Variants in PALLD observed in about 807,000 individuals in gnomAD.
The protein encoded by PALLD is palladin.
A neutral mutation model predicts 123.5 loss-of-function variants in PALLD; 61 were observed. That is an observed-to-expected ratio of 0.49 (90% CI 0.40 to 0.61). The LOEUF (loss-of-function observed/expected upper bound fraction) is 0.61, where lower values mean the gene tolerates loss of function less well. Among genes scored for constraint, PALLD ranks in the 20% least tolerant of loss-of-function variants. The pLI is 0.00. For missense variants in PALLD, 1,273 were observed against 1,377.0 expected, an observed-to-expected ratio of 0.92 and a Z score of 1.20; for synonymous variants, 465 against 496.4, an observed-to-expected ratio of 0.94 and a Z score of 0.84.
chr4:168,635,589 G>A (rs1231116918), intron 2 of PALLD, among the ~76,000 whole-genome samples: 1 of 152,204 alleles, frequency 6.6e-6, no homozygotes, highest in African/African-American at 2.4e-5. Context: ...CTATCAGATA[G>A]CCAGCTCCAA....
chr4:168,786,189 G>A (rs1444878911), intron 10 of PALLD, among the ~76,000 whole-genome samples: 3 of 151,568 alleles, frequency 2.0e-5, no homozygotes, highest in African/African-American at 4.8e-5. Context: ...TTAGCTGGGC[G>A]TGGTGGTGTG....
chr4:168,750,757 A>C (rs545494920), intron 10 of PALLD, among the ~76,000 whole-genome samples: 1 of 152,292 alleles, frequency 6.6e-6, no homozygotes, highest in East Asian at 1.9e-4. Context: ...TCCTGTCCCC[A>C]TCCCCTAGTT....
At chr4:168,686,011 C>G (rs974688233) in intron 6 of PALLD, among the ~76,000 whole-genome samples, 1 of 151,926 alleles carries the variant, frequency 6.6e-6, no homozygotes, top group Non-Finnish European at 1.5e-5. Flanking sequence ...TCTTCTCTTT[C>G]TTTTTCCTTT....
intron 10 of PALLD, among the ~76,000 whole-genome samples, chr4:168,743,476 G>A (rs1040485460): frequency 6.6e-6 from 1 of 152,080 alleles, no homozygotes; most frequent in Non-Finnish European, 1.5e-5. Flanking sequence ...GATGTTTCCT[G>A]TCCTATCACT....
intron 2 of PALLD, among the ~76,000 whole-genome samples, chr4:168,558,880 A>T (rs189501201): frequency 1.3e-5 from 2 of 152,344 alleles, no homozygotes; most frequent in Admixed American, 1.3e-4. Flanking sequence ...GTAAAACATG[A>T]CCTAGGTGTG....
intron 3 of PALLD, among the ~76,000 whole-genome samples, chr4:168,675,575 T>A (rs934371125): frequency 2.0e-5 from 3 of 152,214 alleles, no homozygotes; most frequent in African/African-American, 4.8e-5. Context: ...TAAAATAACC[T>A]TTCATGGTAT....
chr4:168,724,161 A>G (rs1004862203), intron 10 of PALLD, among the ~76,000 whole-genome samples: 2 of 152,172 alleles, frequency 1.3e-5, no homozygotes, highest in Admixed American at 6.5e-5. Context: ...AACAAGCCCA[A>G]TTCCTCATTT....
At chr4:168,911,966 G>A (rs1013045578) in intron 15 of PALLD, among the ~76,000 whole-genome samples, 1 of 151,988 alleles carries the variant, frequency 6.6e-6, no homozygotes, top group Non-Finnish European at 1.5e-5. Context: ...TCTCCTGTCT[G>A]TATTACATTC....
chr4:168,708,954 G>A (rs889520311), intron 8 of PALLD, 74 bp from the exon 9 acceptor site: 137 of 1,310,442 alleles, frequency 1.0e-4, no homozygotes, highest in Non-Finnish European at 1.4e-4. Flanking sequence ...TTGTGGAAAG[G>A]TGGAGGGTCT....
At chr4:168,916,768 C>T (rs1373932493) in intron 17 of PALLD, among the ~76,000 whole-genome samples, 1 of 149,046 alleles carries the variant, frequency 6.7e-6, no homozygotes, top group Non-Finnish European at 1.5e-5. Flanking sequence ...GCAACCTCTG[C>T]CTCCTGGGTC....
chr4:168,732,858 G>A (rs949491358), intron 10 of PALLD, among the ~76,000 whole-genome samples: 2 of 152,096 alleles, frequency 1.3e-5, no homozygotes, highest in Non-Finnish European at 2.9e-5. Flanking sequence ...CACAAAGAAA[G>A]TCTTAACCAG....
intron 10 of PALLD, among the ~76,000 whole-genome samples, chr4:168,764,485 A>G (rs1049246568): frequency 6.6e-6 from 1 of 152,166 alleles, no homozygotes; most frequent in Admixed American, 6.5e-5. Context: ...AGGTGCAGTC[A>G]TAGCACACTA....
At chr4:168,622,743 C>G (rs140915487) in intron 2 of PALLD, among the ~76,000 whole-genome samples, 2 of 152,204 alleles carry the variant, frequency 1.3e-5, no homozygotes, top group African/African-American at 4.8e-5. Flanking sequence ...AATCTCCTGA[C>G]AGATCATACT....
At chr4:168,666,582 G>A (rs1217614588) in intron 2 of PALLD, among the ~76,000 whole-genome samples, 1 of 152,122 alleles carries the variant, frequency 6.6e-6, no homozygotes, top group Admixed American at 6.6e-5. Context: ...GCTATGTAAG[G>A]AGCAGTAAGT....
intron 10 of PALLD, among the ~76,000 whole-genome samples, chr4:168,805,555 A>G (rs1319585283): frequency 2.6e-5 from 4 of 152,192 alleles, no homozygotes; most frequent in African/African-American, 9.7e-5. Context: ...CTAAGCATGC[A>G]GGGCTCTTGC....
At chr4:168,888,211 A>G (rs937130807) in intron 10 of PALLD, among the ~76,000 whole-genome samples, 4 of 152,230 alleles carry the variant, frequency 2.6e-5, no homozygotes, top group African/African-American at 9.6e-5. Context: ...CTCCTTAAAT[A>G]TCAAAATGAG....
chr4:168,924,506 T>C lies in PALLD; in HGVS notation c.3224+86T>C, dbSNP rs1762191231. 3.1e-6 allele frequency: 4 copies of C among 1,292,348 alleles called. 1 individual carries two copies. In the Admixed American group the frequency reaches 6.8e-5, roughly 22 times the overall value. 80.1% of individuals were successfully genotyped at this position (1,292,348 alleles called of 1,614,324 possible). A position where few individuals can be genotyped will look rare whatever the true frequency, so the allele number is the denominator to read the frequency against. On this transcript the variant is annotated intron_variant, in intron 19 of 21. Transcript: ENST00000505667. ...ATACATTTTATATAGCATGGAAATC[T>C]ATGTGTAAAAGCCACATAGATGTTT...
intron 10 of PALLD, among the ~76,000 whole-genome samples, chr4:168,724,459 A>G (rs1053799300): frequency 6.6e-6 from 1 of 152,228 alleles, no homozygotes; most frequent in Admixed American, 6.5e-5. Flanking sequence ...TTTCTCAACA[A>G]ATCTGAGAGT....
intron 2 of PALLD, among the ~76,000 whole-genome samples, chr4:168,589,563 T>A (rs1771193907): frequency 7.5e-6 from 1 of 133,696 alleles, no homozygotes; most frequent in South Asian, 2.3e-4. Flanking sequence ...AAACTATAGA[T>A]CTACTGCTGA....
Sources: gnomAD v4.1 joint callset for allele counts (sites outside exome capture counted in the v4.1 genomes callset) on GRCh38, gnomAD v4.1.1 for gene constraint, MANE v1.5 for transcripts, NCBI Gene and HGNC (gene_info 2026-07-23, HGNC 2026-07-21) for gene names.